The following ZCCHC14 variants were observed in gnomAD, a reference collection of about 807,000 sequenced individuals.
ZCCHC14 encodes the protein zinc finger CCHC domain-containing protein 14.
A neutral mutation model predicts 85.0 loss-of-function variants in ZCCHC14; 16 were observed. The observed-to-expected ratio is 0.19, with a 90% CI of 0.13 to 0.29. The LOEUF (loss-of-function observed/expected upper bound fraction) is 0.29. Among genes scored for constraint, ZCCHC14 ranks in the 10% least tolerant of loss-of-function variants. The pLI, the probability that ZCCHC14 is intolerant of heterozygous loss-of-function variation, is 1.00. For missense variants in ZCCHC14, 1,303 were observed against 1,443.5 expected (o/e 0.90, Z 1.58); for synonymous variants, 775 against 630.7 (o/e 1.23, Z -3.43).
chr16:87,454,422 C>T (rs748713362), intron 2 of ZCCHC14, among the ~76,000 whole-genome samples: 1 of 152,130 alleles, frequency 6.6e-6, no homozygotes, highest in African/African-American at 2.4e-5. Flanking sequence ...CGGCATACAG[C>T]GACAGAAATG....
At position 87,492,814 on chromosome 16, in the gene ZCCHC14, AG is replaced by A. The variant is rs1026767363; in HGVS notation, c.-577del. ...GCCGCGGCCGCGAAACGGACGCTGG[AG>A]GGGGAGGGACGCGCGGCGGGAGGCG... On this transcript the variant is annotated 5_prime_UTR_variant, in exon 1 of 13. Transcript: ENST00000671377. This position sits in a 1 kb window ranked among gnomAD's most constrained non-coding sequence, Gnocchi z 6.7. 6.9e-6 allele frequency among the ~76,000 whole-genome samples: 1 copy of A among 144,798 alleles called. No homozygotes were observed. The highest frequency in any genetic ancestry group is 2.5e-5 in the African/African-American group (1 of 39,918). The allele number at this position is 144,798 out of a possible 152,430, so 95.0% of individuals were successfully genotyped here. A position where few individuals can be genotyped will look rare whatever the true frequency, so the allele number is the denominator to read the frequency against.
At chr16:87,438,553 G>A (rs1267491218) in intron 2 of ZCCHC14, among the ~76,000 whole-genome samples, 1 of 152,236 alleles carries the variant, frequency 6.6e-6, no homozygotes, top group Non-Finnish European at 1.5e-5. Flanking sequence ...ACTAAGGTCA[G>A]TTTTGTGTCT....
chr16:87,462,026 G>C (rs1911284444), intron 1 of ZCCHC14, among the ~76,000 whole-genome samples: 2 of 152,134 alleles, frequency 1.3e-5, no homozygotes, highest in African/African-American at 2.4e-5. Flanking sequence ...CCAGCACTTT[G>C]GGAGGCTGAG....
At chr16:87,439,872 T>G (rs1254217748) in intron 2 of ZCCHC14, among the ~76,000 whole-genome samples, 1 of 152,216 alleles carries the variant, frequency 6.6e-6, no homozygotes, top group African/African-American at 2.4e-5. Flanking sequence ...AGCACAATAG[T>G]TGTTAAGTAT....
At position 87,433,155 on chromosome 16, in the gene ZCCHC14, A is replaced by T. The variant is rs758577844; in HGVS notation, c.741T>A (p.Asn247Lys). The change falls in exon 3 of 13, where the codon AAT becomes AAA. Residue 247 changes from asparagine to lysine, a missense_variant. Physicochemically the swap from Asn to Lys is moderately conservative, Grantham distance 94. Around this residue, in one of 7 missense-constraint regions of ZCCHC14, gnomAD observed 389 missense variants for 397.8 expected, o/e 0.98. Transcript: ENST00000671377. ...CAAAGGAACATTCAACATTTCTGTC[A>T]TTTTTTGTGTGTGATAATCCCTTCA... ...IDLKGLSHTKNDRNVECSFEV... is the reference protein window; with the variant it reads ...IDLKGLSHTKKDRNVECSFEV... 3 of 1,614,240 alleles carry T rather than the reference A, an allele frequency of 1.9e-6. No individual in the cohort carries two copies. The highest frequency in any genetic ancestry group is 2.5e-6 in the Non-Finnish European group (3 of 1,180,046).
At chr16:87,470,334 A>T (rs949235924) in intron 1 of ZCCHC14, 1 of 151,780 alleles carries the variant, frequency 6.6e-6, no homozygotes, top group African/African-American at 2.4e-5. Context: ...CAACTCAAAT[A>T]AATAAATAAA....
intron 6 of ZCCHC14, 111 bp downstream of exon 6, chr16:87,419,672 G>C: frequency 2.3e-6 from 2 of 853,700 alleles, no homozygotes; most frequent in Non-Finnish European, 3.3e-6. Flanking sequence ...CCAACCTCAG[G>C]TGATCCGCCC....
rs753395586 is a variant in ZCCHC14 at position 87,491,734 on chromosome 16, C to T, written c.505G>A (p.Gly169Ser). Residue 169 changes from glycine (G) to serine (S), a missense_variant, in exon 1 of 13, where the codon GGC becomes AGC. By Grantham distance (56) the Gly-to-Ser change is moderately conservative. Coordinates refer to ENST00000671377, the MANE Select transcript of ZCCHC14 (RefSeq NM_015144.3). The surrounding 1 kb of genome is among the most constrained non-coding windows in gnomAD (Gnocchi z 5.9). The stretch of plus-strand genomic sequence containing the variant: ...CCGGGCGCGCCCTTGCCGCCGTGGC[C>T]CCCGCCGCCGTTCAGGCTGCTCTGG... ...QIQSSLNGGGGHGGKGAPGPG... is the reference protein window; with the variant it reads ...QIQSSLNGGGSHGGKGAPGPG... 1 of 1,570,746 alleles carries T rather than the reference C, an allele frequency of 6.4e-7. No homozygotes were observed. The highest frequency in any genetic ancestry group is 1.4e-5 in the African/African-American group (1 of 70,898).
intron 1 of ZCCHC14, chr16:87,467,368 T>C (rs1445757334): frequency 2.5e-6 from 4 of 1,598,346 alleles, no homozygotes; most frequent in Non-Finnish European, 3.4e-6. Flanking sequence ...CCTGGGGTAA[T>C]TAAGCAAGAG....
chr16:87,479,250 T>C (rs1180454804), intron 1 of ZCCHC14, among the ~76,000 whole-genome samples: 4 of 151,946 alleles, frequency 2.6e-5, no homozygotes, highest in African/African-American at 9.7e-5. Context: ...ACCCTGTCTC[T>C]ACTAAAAATA....
chr16:87,470,974 A>G (rs1483430171), intron 1 of ZCCHC14: 3 of 152,326 alleles, frequency 2.0e-5, no homozygotes, highest in African/African-American at 7.2e-5. Context: ...ACCTCCCTAC[A>G]AGATGTGAAT....
intron 1 of ZCCHC14, among the ~76,000 whole-genome samples, chr16:87,489,572 T>C (rs1912658696): frequency 6.6e-6 from 1 of 152,046 alleles, no homozygotes; most frequent in Admixed American, 6.6e-5. Context: ...GCCTGTGAGG[T>C]AGGTTACATC....
chr16:87,448,291 T>C (rs1477221023), intron 2 of ZCCHC14, among the ~76,000 whole-genome samples: 1 of 152,206 alleles, frequency 6.6e-6, no homozygotes, highest in Non-Finnish European at 1.5e-5. Context: ...GCAAGTCCAA[T>C]GTTAGCCTGA....
At chr16:87,463,049 C>T (rs189130683) in intron 1 of ZCCHC14, among the ~76,000 whole-genome samples, 4 of 150,450 alleles carry the variant, frequency 2.7e-5, no homozygotes, top group African/African-American at 9.8e-5. Flanking sequence ...GCCTGGGCAA[C>T]GAGAGTGAAA....
At chr16:87,451,182 G>C (rs1277788234) in intron 2 of ZCCHC14, among the ~76,000 whole-genome samples, 1 of 149,470 alleles carries the variant, frequency 6.7e-6, no homozygotes. Context: ...TTACAGGCGT[G>C]AGACATGGCG....
At chr16:87,423,314 A>G (rs1909200324) in intron 4 of ZCCHC14, among the ~76,000 whole-genome samples, 1 of 152,184 alleles carries the variant, frequency 6.6e-6, no homozygotes, top group African/African-American at 2.4e-5. Context: ...CCAGGAGGTC[A>G]AGGCTGCAGT....
intron 10 of ZCCHC14, 37 bp from the exon 11 acceptor site, chr16:87,413,232 C>T (rs776276190): frequency 2.7e-6 from 4 of 1,488,812 alleles, no homozygotes; most frequent in Admixed American, 2.3e-5. Context: ...CATCAACTAG[C>T]GCCCCTGCAG....
At chr16:87,430,501 T>C (rs950751767) in intron 3 of ZCCHC14, among the ~76,000 whole-genome samples, 10 of 152,054 alleles carry the variant, frequency 6.6e-5, no homozygotes, top group Non-Finnish European at 1.3e-4. Flanking sequence ...GTTCTTTCCA[T>C]ATCACTTTAA....
At chr16:87,458,709 G>A (rs1032440731) in intron 2 of ZCCHC14, among the ~76,000 whole-genome samples, 7 of 152,200 alleles carry the variant, frequency 4.6e-5, no homozygotes, top group South Asian at 2.1e-4. Flanking sequence ...GGGACGGTGC[G>A]GGGCGGTTGG....
Sources: allele counts gnomAD v4.1 joint callset (sites outside exome capture counted in the v4.1 genomes callset), GRCh38; gene constraint gnomAD v4.1.1; regional missense constraint gnomAD v4.1.1; non-coding constraint Gnocchi (gnomAD v3.1); transcripts MANE v1.5; gene names NCBI Gene and HGNC (gene_info 2026-07-23, HGNC 2026-07-21).